Variants in AEBP1 observed in about 807,000 individuals in gnomAD.
AEBP1 encodes the protein adipocyte enhancer-binding protein 1.
A neutral mutation model predicts 116.5 loss-of-function variants in AEBP1; 69 were observed. The ratio of observed to expected loss-of-function variants is 0.59; its 90% CI spans 0.49 to 0.72. The LOEUF is 0.72. Among genes scored for constraint, AEBP1 ranks in the 30% least tolerant of loss-of-function variants. The probability of loss-of-function intolerance (pLI) is 0.00; values close to 1 mark genes in which losing one functional copy is unlikely to be tolerated. For missense variants in AEBP1, 1,444 were observed against 1,557.5 expected (o/e 0.93, Z 1.23); for synonymous variants, 627 against 627.3 (o/e 1.00, Z 0.01).
Position 44,107,623 on chromosome 7 carries a change from C to T in AEBP1, c.668-6C>T. Reference sequence around the variant, plus strand: ...TGTCAGGCAGCTACCAGCGCTTTCCCCTCAGAGCCGGAGGAGGAGACCGAG... The same window carrying T: ...TGTCAGGCAGCTACCAGCGCTTTCCTCTCAGAGCCGGAGGAGGAGACCGAG... On this transcript the variant is annotated splice_region_variant and splice_polypyrimidine_tract_variant and intron_variant, in intron 3 of 20. Transcript: ENST00000223357. This position sits in a 1 kb window ranked among gnomAD's most constrained non-coding sequence, Gnocchi z 4.3. 5 of 1,613,604 alleles carry T rather than the reference C, an allele frequency of 3.1e-6. No homozygotes were observed. Among genetic ancestry groups the T allele is most frequent in the Non-Finnish European group, 4.2e-6 (5 of 1,179,950 alleles).
Position 44,114,447 on chromosome 7 carries a change from G to C in AEBP1, c.*186G>C. On this transcript the variant is annotated 3_prime_UTR_variant, in exon 21 of 21. Coordinates refer to ENST00000223357, the MANE Select transcript of AEBP1 (RefSeq NM_001129.5). ...GACTGGGACCTAAGAGCCAGAGGCT[G>C]TGTAGAGGCTCCTGCTCCACCTGCC... is the stretch of plus-strand genomic sequence containing the variant. 1.5e-6 allele frequency: 1 copy of C among 688,184 alleles called. No homozygotes were observed. The highest frequency in any genetic ancestry group is 2.4e-6 in the Non-Finnish European group (1 of 416,834). The allele number at this position is 688,184 out of a possible 1,614,324, so 42.6% of individuals were successfully genotyped here.
chr7:44,109,276 CA>C lies in AEBP1; in HGVS notation c.1097-11del. On this transcript the variant is annotated splice_polypyrimidine_tract_variant and intron_variant, in intron 8 of 20. Transcript: ENST00000223357. ...GGCCCTTGGTGCCATGTCCTCCCTT[CA>C]TTGTCCCTAGAGCCCCGAAAGGGCG... 1 of 1,610,914 alleles carries C rather than the reference CA, an allele frequency of 6.2e-7. No homozygotes were observed. The highest frequency in any genetic ancestry group is 8.5e-7 in the Non-Finnish European group (1 of 1,178,874).
At position 44,114,082 on chromosome 7, in the gene AEBP1, G is replaced by A. The variant is rs750597902; in HGVS notation, c.3298G>A (p.Glu1100Lys). 8 of 1,613,652 alleles carry A rather than the reference G, an allele frequency of 5.0e-6. No individual in the cohort carries two copies. In the East Asian group the frequency reaches 6.7e-5, roughly 13 times the overall value. ...AGAGTTTGGGACCGAGGTGGAGCCC[G>A]AGTTTGGGACCAAGGTGGAGCCCGA... The part of the protein sequence containing the change: ...VTEFGTEVEP[E>K]FGTKVEPEFE... Residue 1100 changes from glutamate to lysine, a missense_variant, in exon 21 of 21, where the codon GAG (glutamate) becomes AAG (lysine). Glu to Lys is a moderately conservative substitution (Grantham distance 56). Coordinates refer to ENST00000223357, the MANE Select transcript of AEBP1 (RefSeq NM_001129.5).
At chr7:44,109,383 A>G in intron 9 of AEBP1, 42 bp downstream of exon 9, 1 of 1,187,930 alleles carries the variant, frequency 8.4e-7, no homozygotes, top group Non-Finnish European at 1.2e-6. Flanking sequence ...GGGCCACAGG[A>G]TGGGGGTGCT....
rs2096230579 is a variant in AEBP1, at chr7:44,112,449, C to G, written c.2218-109C>G. On this transcript the variant is annotated intron_variant, in intron 17 of 20. Transcript: ENST00000223357. This position sits in a 1 kb window ranked among gnomAD's most constrained non-coding sequence, Gnocchi z 6.6. Reference sequence around the variant, plus strand: ...CGCTGAGGCTCTGGGGGTTGGGGGACAGGGGATCGTGCGAGTACTGGTGTG... The same window carrying G: ...CGCTGAGGCTCTGGGGGTTGGGGGAGAGGGGATCGTGCGAGTACTGGTGTG... 6 of 1,390,916 alleles carry G rather than the reference C, an allele frequency of 4.3e-6. No individual in the cohort carries two copies. Among genetic ancestry groups the G allele is most frequent in the Middle Eastern group, 2.5e-4 (1 of 3,946 alleles). 86.2% of individuals were successfully genotyped at this position (1,390,916 alleles called of 1,614,324 possible). A position where few individuals can be genotyped will look rare whatever the true frequency, so the allele number is the denominator to read the frequency against.
chr7:44,113,829 G>A lies in AEBP1; in HGVS notation c.3045G>A (p.Gln1015=), dbSNP rs2096233143. ...CATCGCGCCCTATGACCCCCCAACA[G>A]CGACGCCTGCAGCAGCGACGCCTAC... ...IDPSRPMTPQ[Q]RRLQQRRLQH... is the part of the protein sequence containing the mutation. Residue 1015 remains glutamine, a synonymous_variant, in exon 21 of 21, where the codon CAG becomes CAA. Coordinates refer to ENST00000223357, the MANE Select transcript of AEBP1 (RefSeq NM_001129.5). This position sits in a 1 kb window ranked among gnomAD's most constrained non-coding sequence, Gnocchi z 5.3. 1.9e-5 allele frequency: 31 copies of A among 1,613,800 alleles called. No homozygotes were observed. Among genetic ancestry groups the A allele is most frequent in the Non-Finnish European group, 2.2e-5 (26 of 1,179,982 alleles).
At chr7:44,105,883 C>T (rs982673309) in intron 1 of AEBP1, among the ~76,000 whole-genome samples, 12 of 152,128 alleles carry the variant, frequency 7.9e-5, no homozygotes, top group African/African-American at 2.9e-4. Context: ...ACAACCAGTC[C>T]CTGCTCCCTC....
Position 44,113,704 on chromosome 7 carries a change from G to A in AEBP1, c.2920G>A (p.Gly974Arg), listed in dbSNP as rs771934431. Residue 974 changes from glycine to arginine, a missense_variant, in exon 21 of 21, where the codon GGG becomes AGG. Gly to Arg is a moderately radical substitution (Grantham distance 125). Transcript: ENST00000223357. This position sits in a 1 kb window ranked among gnomAD's most constrained non-coding sequence, Gnocchi z 5.3. ...GACCTGCAATGTTGACTATGACATC[G>A]GGGCCACTCAGTGCAACTTCATCCT... ...AKTCNVDYDI[G>R]ATQCNFILAR... The A allele has an allele frequency of 6.8e-6, 11 of 1,614,022 alleles. No individual in the cohort carries two copies. The Admixed American group carries it at 1.5e-4, about 22-fold the overall frequency.
Position 44,112,451 on chromosome 7 carries a change from G to T in AEBP1, c.2218-107G>T. The T allele has an allele frequency of 2.2e-6, 3 of 1,393,922 alleles. No homozygotes were observed. The highest frequency in any genetic ancestry group is 1.9e-6 in the Non-Finnish European group (2 of 1,033,486). The allele number at this position is 1,393,922 out of a possible 1,614,324, so 86.3% of individuals were successfully genotyped here. On this transcript the variant is annotated intron_variant, in intron 17 of 20. Transcript: ENST00000223357. This position sits in a 1 kb window ranked among gnomAD's most constrained non-coding sequence, Gnocchi z 6.6. ...CTGAGGCTCTGGGGGTTGGGGGACA[G>T]GGGATCGTGCGAGTACTGGTGTGAA...
chr7:44,112,051 G>A lies in AEBP1; in HGVS notation c.2037+1G>A, dbSNP rs752899698. On this transcript the variant is annotated splice_donor_variant, in intron 16 of 20. Transcript: ENST00000223357. LOFTEE classifies it high-confidence loss of function. The surrounding 1 kb of genome is among the most constrained non-coding windows in gnomAD (Gnocchi z 6.6). ...TGGCTACGAGGTGGCAGCGCAGATG[G>A]TGGGTTGAAGGGTGAGGCTGGCCAG... is the stretch of plus-strand genomic sequence containing the variant. 1.2e-5 allele frequency: 19 copies of A among 1,612,434 alleles called. No homozygotes were observed. Among genetic ancestry groups the A allele is most frequent in the Non-Finnish European group, 1.6e-5 (19 of 1,178,954 alleles).
rs760027125 is a variant in AEBP1 at position 44,113,842 on chromosome 7, C to G, written c.3058C>G (p.Gln1020Glu). 2.8e-5 allele frequency: 45 copies of G among 1,613,760 alleles called. No homozygotes were observed. The Middle Eastern group carries it at 4.9e-4, about 18-fold the overall frequency. ...PMTPQQRRLQ[Q>E]RRLQHRLRLR... is the part of the protein sequence containing the mutation. ...GACCCCCCAACAGCGACGCCTGCAG[C>G]AGCGACGCCTACAACACCGCCTGCG... The change falls in exon 21 of 21, where the codon CAG (glutamine) becomes GAG (glutamate). Residue 1020 changes from glutamine to glutamate, a missense_variant. Coordinates refer to ENST00000223357, the MANE Select transcript of AEBP1 (RefSeq NM_001129.5). The surrounding 1 kb of genome is among the most constrained non-coding windows in gnomAD (Gnocchi z 5.3).
chr7:44,108,455 C>T lies in AEBP1; in HGVS notation c.940+371C>T, dbSNP rs773093148. 5.9e-5 allele frequency among the ~76,000 whole-genome samples: 9 copies of T among 152,130 alleles called. No individual in the cohort carries two copies. The highest frequency in any genetic ancestry group is 1.0e-4 in the Non-Finnish European group (7 of 68,004). On this transcript the variant is annotated intron_variant, in intron 6 of 20. Transcript: ENST00000223357. This position sits in a 1 kb window ranked among gnomAD's most constrained non-coding sequence, Gnocchi z 5.0. ...TCTTCAGGGAGCCCGAGGGCTTTTG[C>T]CTCCCTGTTGCTCATGCCCCTGCGT...
Position 44,114,354 on chromosome 7 carries a change from A to G in AEBP1, c.*93A>G, listed in dbSNP as rs1173244263. The G allele has an allele frequency of 7.2e-7, 1 of 1,388,764 alleles. No individual in the cohort carries two copies. The highest frequency in any genetic ancestry group is 1.4e-5 in the African/African-American group (1 of 70,538). The allele number at this position is 1,388,764 out of a possible 1,614,324, so 86.0% of individuals were successfully genotyped here. On this transcript the variant is annotated 3_prime_UTR_variant, in exon 21 of 21. Transcript: ENST00000223357. ...CCACAGTCACATCACCCATCAGCAC[A>G]TGGAAGGCCCCTGGTATGGACACTG...
chr7:44,113,856 A>G lies in AEBP1; in HGVS notation c.3072A>G (p.Gln1024=), dbSNP rs768104566. 4.3e-6 allele frequency: 7 copies of G among 1,613,634 alleles called. No individual in the cohort carries two copies. The Admixed American group carries it at 8.3e-5, about 19-fold the overall frequency. ...GACGCCTGCAGCAGCGACGCCTACA[A>G]CACCGCCTGCGGCTTCGGGCACAGA... ...QQRRLQQRRL[Q]HRLRLRAQMR... is the part of the protein sequence containing the mutation. The change falls in exon 21 of 21, where the codon CAA becomes CAG. Residue 1024 remains glutamine, a synonymous_variant. Transcript: ENST00000223357. The surrounding 1 kb of genome is among the most constrained non-coding windows in gnomAD (Gnocchi z 5.3).
chr7:44,109,118 AAGG>A lies in AEBP1; in HGVS notation c.1035_1037del (p.Glu345del), dbSNP rs1260187590. 1.2e-6 allele frequency: 2 copies of A among 1,613,494 alleles called. No homozygotes were observed. The highest frequency in any genetic ancestry group is 1.7e-6 in the Non-Finnish European group (2 of 1,179,966). On this transcript the variant is annotated inframe_deletion, in exon 8 of 21. Transcript: ENST00000223357. ...CTTGCACCTTCCAGAGAAACCCAAA[AAGG>A]AGGACAGCAGCCCCAAGGAGGAGAC...
chr7:44,108,127 G>C lies in AEBP1; in HGVS notation c.940+43G>C, dbSNP rs1375966649. Reference sequence around the variant, plus strand: ...CAGAGTCTGAGGGACATAGGCAGGTGGGGGTCGGGGCTGGGGTGTGGTCAG... The same window carrying C: ...CAGAGTCTGAGGGACATAGGCAGGTCGGGGTCGGGGCTGGGGTGTGGTCAG... On this transcript the variant is annotated intron_variant, in intron 6 of 20. Coordinates refer to ENST00000223357, the MANE Select transcript of AEBP1 (RefSeq NM_001129.5). The surrounding 1 kb of genome is among the most constrained non-coding windows in gnomAD (Gnocchi z 5.0). The C allele has an allele frequency of 7.1e-6, 11 of 1,550,508 alleles. No individual in the cohort carries two copies. The highest frequency in any genetic ancestry group is 9.6e-6 in the Non-Finnish European group (11 of 1,145,524).
At position 44,107,141 on chromosome 7, in the gene AEBP1, T is replaced by C. The variant is rs1463117625; in HGVS notation, c.595+254T>C. On this transcript the variant is annotated intron_variant, in intron 2 of 20. Transcript: ENST00000223357. This position sits in a 1 kb window ranked among gnomAD's most constrained non-coding sequence, Gnocchi z 4.3. The stretch of plus-strand genomic sequence containing the variant: ...TGTCCCTCAGGCCCCTGCCCAGATG[T>C]CCCTGGGCTCTGAGCCCATGGAGTT... Among the ~76,000 whole-genome samples, 2 of 152,186 alleles carry C rather than the reference T, an allele frequency of 1.3e-5. No homozygotes were observed. The highest frequency in any genetic ancestry group is 3.9e-4 in the East Asian group (2 of 5,180).
chr7:44,113,170 A>G lies in AEBP1; in HGVS notation c.2709+40A>G, dbSNP rs1292634061. 1 of 1,613,130 alleles carries G rather than the reference A, an allele frequency of 6.2e-7. No individual in the cohort carries two copies. The highest frequency in any genetic ancestry group is 8.5e-7 in the Non-Finnish European group (1 of 1,179,570). On this transcript the variant is annotated intron_variant, in intron 19 of 20. Coordinates refer to ENST00000223357, the MANE Select transcript of AEBP1 (RefSeq NM_001129.5). This position sits in a 1 kb window ranked among gnomAD's most constrained non-coding sequence, Gnocchi z 5.3. ...GCAATGCCTGGGGAGAGGAGGCTGC[A>G]CAGGCTCCTGGATGGGCGGGAGGGA...
Position 44,107,331 on chromosome 7 carries a change from G to T in AEBP1, c.596-108G>T, listed in dbSNP as rs2096223954. 3 of 1,099,442 alleles carry T rather than the reference G, an allele frequency of 2.7e-6. No individual in the cohort carries two copies. Among genetic ancestry groups the T allele is most frequent in the Non-Finnish European group, 1.4e-6 (1 of 731,394 alleles). 68.1% of individuals were successfully genotyped at this position (1,099,442 alleles called of 1,614,324 possible). A position where few individuals can be genotyped will look rare whatever the true frequency, so the allele number is the denominator to read the frequency against. ...TTGGAGTGAGCTCGGCCTCAGGAGG[G>T]TGTCCACAGGCTCTGTGTGGGCTCT... On this transcript the variant is annotated intron_variant, in intron 2 of 20. Coordinates refer to ENST00000223357, the MANE Select transcript of AEBP1 (RefSeq NM_001129.5). This position sits in a 1 kb window ranked among gnomAD's most constrained non-coding sequence, Gnocchi z 4.3.
Sources: gnomAD v4.1 joint callset for allele counts (sites outside exome capture counted in the v4.1 genomes callset) on GRCh38, gnomAD v4.1.1 for gene constraint, Gnocchi (gnomAD v3.1) non-coding constraint, MANE v1.5 for transcripts, NCBI Gene and HGNC (gene_info 2026-07-23, HGNC 2026-07-21) for gene names.